CDC25C: variants seen among roughly 807,000 people sequenced by gnomAD.
CDC25C encodes the protein M-phase inducer phosphatase 3.
CDC25C carries 48 observed loss-of-function variants against 52.5 expected under a neutral mutation model. The ratio of observed to expected loss-of-function variants is 0.91; its 90% CI spans 0.72 to 1.16. The LOEUF (loss-of-function observed/expected upper bound fraction) is 1.16, where lower values mean the gene tolerates loss of function less well. Among genes scored for constraint, CDC25C ranks in the 50% most tolerant of loss-of-function variants. The pLI, the probability that CDC25C is intolerant of heterozygous loss-of-function variation, is 0.00. For missense variants in CDC25C, 510 were observed against 566.1 expected (o/e 0.90, Z 1.01); for synonymous variants, 187 against 206.5 (o/e 0.91, Z 0.81).
In CDC25C at chr5:138,287,149, T is replaced by C; in HGVS notation, c.1026+20A>G. 6.4e-7 allele frequency: 1 copy of C among 1,553,666 alleles called. No homozygotes were observed. Among genetic ancestry groups the C allele is most frequent in the Non-Finnish European group, 8.9e-7 (1 of 1,125,176 alleles). On this transcript the variant is annotated intron_variant, in intron 11 of 13. Coordinates refer to ENST00000323760, the MANE Select transcript of CDC25C (RefSeq NM_001790.5). ...GTTATCTCCAGCCCTCCCCTACTAA[T>C]GGCCACAATGTCGTCTCACCTGGAT...
chr5:138,288,525 C>T (rs1490593947), intron 10 of CDC25C, among the ~76,000 whole-genome samples: 2 of 151,956 alleles, frequency 1.3e-5, no homozygotes, highest in Admixed American at 6.6e-5. Context: ...AGTAAAACCC[C>T]GTCTCTACTA....
At chr5:138,308,323 C>T (rs1366938307) in intron 7 of CDC25C, among the ~76,000 whole-genome samples, 1 of 152,136 alleles carries the variant, frequency 6.6e-6, no homozygotes, top group Non-Finnish European at 1.5e-5. Flanking sequence ...CTGTACTGTA[C>T]TTAATTTCAT....
chr5:138,300,804 T>A (rs1757574544), intron 7 of CDC25C, among the ~76,000 whole-genome samples: 1 of 152,100 alleles, frequency 6.6e-6, no homozygotes, highest in Non-Finnish European at 1.5e-5. Context: ...TTCTTGACAA[T>A]CGAATTAAAT....
At chr5:138,296,608 ATTT>A (rs35152436) in intron 7 of CDC25C, among the ~76,000 whole-genome samples, 2 of 135,594 alleles carry the variant, frequency 1.5e-5, no homozygotes, top group Admixed American at 7.5e-5. Context: ...ATTATTAATT[ATTT>A]TTTTTTTTTT....
At chr5:138,318,730 CA>C (rs960108027) in intron 7 of CDC25C, among the ~76,000 whole-genome samples, 2 of 151,892 alleles carry the variant, frequency 1.3e-5, no homozygotes, top group East Asian at 3.9e-4. Context: ...AAACAAACAA[CA>C]AAAAAAAGAA....
At chr5:138,334,132 C>T (rs1237490434), upstream of CDC25C, among the ~76,000 whole-genome samples, 1 of 151,956 alleles carries the variant, frequency 6.6e-6, no homozygotes, top group African/African-American at 2.4e-5. Flanking sequence ...TGGGGTTTCA[C>T]CATATTGTCC....
chr5:138,289,212 A>T (rs1279224878), intron 10 of CDC25C, among the ~76,000 whole-genome samples: 1 of 152,116 alleles, frequency 6.6e-6, no homozygotes, highest in South Asian at 2.1e-4. Flanking sequence ...AGTGCCTGAG[A>T]TCTGCCTGCC....
Position 138,287,271 on chromosome 5 carries a change from G to A in CDC25C, c.928-4C>T. On this transcript the variant is annotated splice_region_variant and splice_polypyrimidine_tract_variant and intron_variant, in intron 10 of 13. Coordinates refer to ENST00000323760, the MANE Select transcript of CDC25C (RefSeq NM_001790.5). ...TCCCCGACAGTAAGGCAGCCACCTG[G>A]ACAGAAACAATGACTGAATATTCTG... 6.2e-7 allele frequency: 1 copy of A among 1,607,286 alleles called. No individual in the cohort carries two copies. The highest frequency in any genetic ancestry group is 8.5e-7 in the Non-Finnish European group (1 of 1,173,948).
chr5:138,325,335 T>C (rs1179121826), intron 6 of CDC25C, among the ~76,000 whole-genome samples: 1 of 152,050 alleles, frequency 6.6e-6, no homozygotes, highest in Non-Finnish European at 1.5e-5. Flanking sequence ...TAGATTTAAC[T>C]TGGAACGACG....
At chr5:138,313,987 C>CTT (rs1758657997) in intron 7 of CDC25C, among the ~76,000 whole-genome samples, 1 of 103,814 alleles carries the variant, frequency 9.6e-6, no homozygotes, top group South Asian at 3.1e-4. Flanking sequence ...TTCTTTCTTT[C>CTT]TTTCTTTCTT....
At chr5:138,319,151 T>A in intron 7 of CDC25C, 68 bp downstream of exon 7, 1 of 1,368,638 alleles carries the variant, frequency 7.3e-7, no homozygotes, top group Non-Finnish European at 1.0e-6. Flanking sequence ...GTTTAATTTG[T>A]CTAGTTCTTC....
At chr5:138,295,081 A>G (rs1757071698) in intron 7 of CDC25C, among the ~76,000 whole-genome samples, 1 of 152,244 alleles carries the variant, frequency 6.6e-6, no homozygotes, top group African/African-American at 2.4e-5. Context: ...CAATTGCTCC[A>G]GCACAATTTG....
rs1327430002 is a variant in CDC25C at position 138,330,996 on chromosome 5, A to C, written c.185T>G (p.Ile62Ser). The C allele has an allele frequency of 3.1e-6, 5 of 1,607,334 alleles. No individual in the cohort carries two copies. The Admixed American group carries it at 6.7e-5, about 21-fold the overall frequency. The change falls in exon 2 of 14, where the codon ATT (isoleucine) becomes AGT (serine). Residue 62 changes from isoleucine (I) to serine (S), a missense_variant. Coordinates refer to ENST00000323760, the MANE Select transcript of CDC25C (RefSeq NM_001790.5). The part of the protein sequence containing the change: ...KFLGDSANLS[I>S]LSGGTPKRCL... Reference sequence around the variant, plus strand: ...ATAAAAGTATATTTACCCAGACAAAATGCTTAGGTTTGCAGAATCACCAAG... The same window carrying C: ...ATAAAAGTATATTTACCCAGACAAACTGCTTAGGTTTGCAGAATCACCAAG...
upstream of CDC25C, chr5:138,335,536 C>T (rs1760637898): frequency 6.6e-6 from 1 of 152,108 alleles, no homozygotes; most frequent in African/African-American, 2.4e-5. Context: ...GGGTTTGGCC[C>T]ATGAGGGCAT....
chr5:138,337,697 C>A (rs1291402493), intron 1 of CDC25C: 4 of 332,698 alleles, frequency 1.2e-5, no homozygotes, highest in Non-Finnish European at 2.3e-5. Flanking sequence ...CAGGCCGATC[C>A]GGCAGCTGCA....
chr5:138,308,674 C>A (rs1012007392), intron 7 of CDC25C, among the ~76,000 whole-genome samples: 1 of 152,040 alleles, frequency 6.6e-6, no homozygotes. Context: ...CAACACCCAT[C>A]CTGCCTTCTT....
At chr5:138,320,889 C>G (rs559194021) in intron 6 of CDC25C, among the ~76,000 whole-genome samples, 1 of 134,596 alleles carries the variant, frequency 7.4e-6, no homozygotes, top group South Asian at 2.5e-4. Flanking sequence ...GCACTCCAGC[C>G]TGGGTGACAG....
chr5:138,322,194 G>A (rs574224299), intron 6 of CDC25C, among the ~76,000 whole-genome samples: 1 of 151,610 alleles, frequency 6.6e-6, no homozygotes, highest in African/African-American at 2.4e-5. Context: ...GTAGAGACAG[G>A]GTTTCACCAT....
In CDC25C at chr5:138,285,740, C is replaced by T; in HGVS notation, c.1374G>A (p.Arg458=). The stretch of plus-strand genomic sequence containing the variant: ...GAAGGGCAATCTGCTCCCGCAGCTG[C>T]CGCTCCCCTTCCTGCACTTTGCTCT... ...RSQSKVQEGE[R]QLREQIALLV... The change falls in exon 14 of 14, where the codon CGG becomes CGA. Residue 458 remains arginine (R), a synonymous_variant. Transcript: ENST00000323760. The T allele has an allele frequency of 6.2e-7, 1 of 1,614,226 alleles. No homozygotes were observed. Among genetic ancestry groups the T allele is most frequent in the Non-Finnish European group, 8.5e-7 (1 of 1,180,026 alleles).
Sources: gnomAD v4.1 joint callset for allele counts (sites outside exome capture counted in the v4.1 genomes callset) on GRCh38, gnomAD v4.1.1 for gene constraint, MANE v1.5 for transcripts, NCBI Gene and HGNC (gene_info 2026-07-23, HGNC 2026-07-21) for gene names.